UBE2E2: variants seen among roughly 807,000 people sequenced by gnomAD.
UBE2E2 encodes the protein ubiquitin conjugating enzyme E2 E2.
UBE2E2 carries 6 observed loss-of-function variants against 24.7 expected under a neutral mutation model. The observed-to-expected ratio is 0.24, with a 90% CI of 0.13 to 0.48. The LOEUF is 0.48. UBE2E2 is among the 20% of genes least tolerant of loss of function. The probability of loss-of-function intolerance (pLI) is 0.99; values close to 1 mark genes in which losing one functional copy is unlikely to be tolerated. For missense variants in UBE2E2, 169 were observed against 245.0 expected, an observed-to-expected ratio of 0.69 and a Z score of 2.07; for synonymous variants, 104 against 83.6, an observed-to-expected ratio of 1.24 and a Z score of -1.33.
At position 23,223,046 on chromosome 3, in the gene UBE2E2, GTC is replaced by G. The variant is rs556472818; in HGVS notation, c.227+5742_227+5743del. ...CCCCCTTTTTTTTTTTTTTTGAGTT[GTC>G]TCTCTCTGTCACTCAGGCTGGAGTG... On this transcript the variant is annotated intron_variant, in intron 3 of 5. Coordinates refer to ENST00000396703, the MANE Select transcript of UBE2E2 (RefSeq NM_152653.4). 7.9e-3 allele frequency among the ~76,000 whole-genome samples: 733 copies of G among 93,152 alleles called. 4 individuals are homozygous for G. Among genetic ancestry groups the G allele is most frequent in the Non-Finnish European group, 0.012 (635 of 51,370 alleles). 61.1% of individuals were successfully genotyped at this position (93,152 alleles called of 152,430 possible).
At chr3:23,462,808 A>G (rs1698834694) in intron 3 of UBE2E2, among the ~76,000 whole-genome samples, 1 of 152,136 alleles carries the variant, frequency 6.6e-6, no homozygotes, top group Non-Finnish European at 1.5e-5. Flanking sequence ...GTCAGGGGGT[A>G]ACTGTAACCA....
chr3:23,203,839 G>A (rs1251242041), intron 1 of UBE2E2, among the ~76,000 whole-genome samples: 3 of 152,000 alleles, frequency 2.0e-5, no homozygotes, highest in African/African-American at 4.8e-5. Flanking sequence ...TGTCACGGTG[G>A]AAAGTGCCCG....
At chr3:23,394,038 G>GA (rs548936131) in intron 3 of UBE2E2, among the ~76,000 whole-genome samples, 19 of 152,260 alleles carry the variant, frequency 1.2e-4, no homozygotes, top group Non-Finnish European at 2.8e-4. Context: ...GATGAAAACA[G>GA]AAAAAAGCAG....
At chr3:23,568,734 C>CATAT (rs147246103) in intron 5 of UBE2E2, among the ~76,000 whole-genome samples, 3 of 131,410 alleles carry the variant, frequency 2.3e-5, no homozygotes, top group Non-Finnish European at 3.2e-5. Flanking sequence ...TATATGTATA[C>CATAT]ATATATATAT....
At chr3:23,362,443 C>T (rs747215496) in intron 3 of UBE2E2, among the ~76,000 whole-genome samples, 1 of 152,154 alleles carries the variant, frequency 6.6e-6, no homozygotes, top group East Asian at 1.9e-4. Flanking sequence ...ACCAATAGAA[C>T]CTTCAGTCAT....
chr3:23,259,573 T>A (rs1301844149), intron 3 of UBE2E2, among the ~76,000 whole-genome samples: 5 of 147,942 alleles, frequency 3.4e-5, no homozygotes, highest in East Asian at 2.0e-4. Context: ...CCTGGAACTT[T>A]AAAAAAAAAA....
intron 3 of UBE2E2, among the ~76,000 whole-genome samples, chr3:23,491,174 A>G (rs576179821): frequency 6.6e-6 from 1 of 152,314 alleles, no homozygotes; most frequent in South Asian, 2.1e-4. Flanking sequence ...TTAAAAAAAA[A>G]TTAATGAATA....
intron 4 of UBE2E2, among the ~76,000 whole-genome samples, chr3:23,525,174 G>A (rs1009783048): frequency 1.3e-5 from 2 of 152,014 alleles, no homozygotes; most frequent in African/African-American, 2.4e-5. Context: ...CTCTCTTAAA[G>A]TACCCTTGAA....
intron 3 of UBE2E2, among the ~76,000 whole-genome samples, chr3:23,415,989 G>A (rs558613463): frequency 1.3e-5 from 2 of 152,156 alleles, no homozygotes; most frequent in South Asian, 2.1e-4. Flanking sequence ...GTGACAACAT[G>A]TGGTGTTTGG....
chr3:23,251,408 G>C (rs747010877), intron 3 of UBE2E2, among the ~76,000 whole-genome samples: 1 of 152,140 alleles, frequency 6.6e-6, no homozygotes, highest in Non-Finnish European at 1.5e-5. Flanking sequence ...AGTCTCTTTG[G>C]TGATAGTTGG....
At chr3:23,405,503 C>T (rs867723967) in intron 3 of UBE2E2, among the ~76,000 whole-genome samples, 1 of 152,114 alleles carries the variant, frequency 6.6e-6, no homozygotes, top group Non-Finnish European at 1.5e-5. Flanking sequence ...GATGGTTATG[C>T]AGAGCTATGA....
intron 3 of UBE2E2, among the ~76,000 whole-genome samples, chr3:23,459,671 G>A (rs1432682158): frequency 2.0e-5 from 3 of 152,122 alleles, no homozygotes; most frequent in East Asian, 1.9e-4. Context: ...CTCAGCATGT[G>A]AACAAATTAT....
intron 5 of UBE2E2, among the ~76,000 whole-genome samples, chr3:23,568,669 G>A (rs1044597820): frequency 2.1e-4 from 9 of 42,030 alleles, no homozygotes; most frequent in African/African-American, 9.1e-4. Context: ...ACATATATAC[G>A]CACATATATG....
intron 3 of UBE2E2, among the ~76,000 whole-genome samples, chr3:23,436,123 G>T (rs780755023): frequency 1.3e-5 from 2 of 152,154 alleles, no homozygotes; most frequent in Non-Finnish European, 2.9e-5. Flanking sequence ...GTGCGGCCCA[G>T]TTCCTAACAG....
chr3:23,364,380 G>A (rs947161038), intron 3 of UBE2E2, among the ~76,000 whole-genome samples: 10 of 151,952 alleles, frequency 6.6e-5, no homozygotes, highest in East Asian at 3.9e-4. Flanking sequence ...TGCCACTAGC[G>A]AGACTAATAG....
At chr3:23,449,213 G>A (rs1003228923) in intron 3 of UBE2E2, among the ~76,000 whole-genome samples, 1 of 152,202 alleles carries the variant, frequency 6.6e-6, no homozygotes, top group Non-Finnish European at 1.5e-5. Flanking sequence ...TCATTTTGTA[G>A]AAGTGAAAAC....
chr3:23,478,733 T>C (rs2125440159), intron 3 of UBE2E2, among the ~76,000 whole-genome samples: 1 of 152,240 alleles, frequency 6.6e-6, no homozygotes, highest in Non-Finnish European at 1.5e-5. Flanking sequence ...AGAGTCATCT[T>C]AAAGTTAGAT....
At chr3:23,549,323 T>G (rs1308215240) in intron 5 of UBE2E2, among the ~76,000 whole-genome samples, 1 of 152,238 alleles carries the variant, frequency 6.6e-6, no homozygotes, top group Admixed American at 6.5e-5. Context: ...CTGATTTCTC[T>G]AAGTCATAGT....
At chr3:23,361,967 A>G (rs182906348) in intron 3 of UBE2E2, among the ~76,000 whole-genome samples, 2 of 152,360 alleles carry the variant, frequency 1.3e-5, no homozygotes, top group Admixed American at 1.3e-4. Flanking sequence ...AATTGTATAC[A>G]TACTTAATCT....
Sources: allele counts gnomAD v4.1 joint callset (sites outside exome capture counted in the v4.1 genomes callset), GRCh38; gene constraint gnomAD v4.1.1; transcripts MANE v1.5; gene names NCBI Gene and HGNC (gene_info 2026-07-23, HGNC 2026-07-21).